TAFA2: variants seen among roughly 807,000 people sequenced by gnomAD.
The protein encoded by TAFA2 is chemokine-like protein TAFA-2.
A neutral mutation model predicts 18.8 loss-of-function variants in TAFA2; 7 were observed. The observed-to-expected ratio is 0.37, with a 90% confidence interval of 0.21 to 0.70. The LOEUF is 0.70. TAFA2 is among the 30% of genes least tolerant of loss of function. TAFA2 has a pLI of 0.53. For synonymous variants in TAFA2, 60 were observed against 54.2 expected (o/e 1.11, Z -0.47); for missense variants, 122 against 158.1 (o/e 0.77, Z 1.23).
At chr12:62,021,720 T>G (rs1881146699) in intron 1 of TAFA2, 6 of 1,506,818 alleles carry the variant, frequency 4.0e-6, no homozygotes, top group Non-Finnish European at 5.5e-6. Flanking sequence ...ACCAGTTGGG[T>G]CCCAAGGCAG....
At chr12:61,892,794 G>A (rs537308622) in intron 1 of TAFA2, among the ~76,000 whole-genome samples, 155 of 152,250 alleles carry the variant, frequency 1.0e-3, no homozygotes, top group Non-Finnish European at 1.6e-3. Context: ...AGAAAAGATC[G>A]TTCCACTGCA....
At chr12:62,034,054 G>A (rs576489706) in intron 1 of TAFA2, among the ~76,000 whole-genome samples, 1 of 152,166 alleles carries the variant, frequency 6.6e-6, no homozygotes, top group Non-Finnish European at 1.5e-5. Context: ...GAGAGAAAGA[G>A]GTTGGGGGAA....
chr12:62,166,248 T>C (rs924288231), intron 1 of TAFA2, among the ~76,000 whole-genome samples: 8 of 152,166 alleles, frequency 5.3e-5, no homozygotes, highest in Non-Finnish European at 1.2e-4. Flanking sequence ...TTGGCATAAA[T>C]GGAAAATTTG....
chr12:62,165,003 A>G lies in TAFA2; in HGVS notation c.-2+26256T>C, dbSNP rs142606527. On this transcript the variant is annotated intron_variant, in intron 1 of 4. Transcript: ENST00000416284. ...AAAGCTTGTTAGTGGCAGAGCTGAA[A>G]CTGAAATGGAAGTTCCTTAACTAGT... Among the ~76,000 whole-genome samples the G allele has an allele frequency of 4.6e-4, 70 of 152,200 alleles. 2 individuals are homozygous for G. In the East Asian group the frequency reaches 0.01, roughly 23 times the overall value.
intron 1 of TAFA2, among the ~76,000 whole-genome samples, chr12:62,156,879 C>T (rs1217713594): frequency 4.6e-5 from 7 of 152,030 alleles, no homozygotes; most frequent in Non-Finnish European, 7.4e-5. Context: ...ACCCCAATAA[C>T]TTAAGGGAAA....
chr12:61,935,585 GA>G (rs1371466667), intron 1 of TAFA2, among the ~76,000 whole-genome samples: 2 of 152,024 alleles, frequency 1.3e-5, no homozygotes, highest in South Asian at 4.1e-4. Flanking sequence ...ACAGTTTTAA[GA>G]AAAAATAATA....
chr12:61,792,878 A>G (rs990239029), intron 2 of TAFA2, among the ~76,000 whole-genome samples: 18 of 151,582 alleles, frequency 1.2e-4, no homozygotes, highest in African/African-American at 4.3e-4. Context: ...AAAAAATAGT[A>G]AGAATATAGA....
At chr12:61,746,047 T>C (rs1435022540) in intron 4 of TAFA2, among the ~76,000 whole-genome samples, 2 of 152,024 alleles carry the variant, frequency 1.3e-5, no homozygotes, top group East Asian at 1.9e-4. Context: ...CTTGGTAATA[T>C]GGTTTAGTTG....
intron 1 of TAFA2, among the ~76,000 whole-genome samples, chr12:62,128,691 G>A (rs1328409879): frequency 6.6e-6 from 1 of 151,950 alleles, no homozygotes; most frequent in Non-Finnish European, 1.5e-5. Context: ...TATGCCCCTT[G>A]TTCCCAGAAT....
intron 2 of TAFA2, among the ~76,000 whole-genome samples, chr12:61,785,354 TG>T (rs1870690066): frequency 6.7e-6 from 1 of 150,054 alleles, no homozygotes; most frequent in African/African-American, 2.5e-5. Context: ...TGTGTGTGTG[TG>T]TGTGTTTGTG....
chr12:62,110,133 T>A (rs1869656065), intron 1 of TAFA2, among the ~76,000 whole-genome samples: 1 of 152,210 alleles, frequency 6.6e-6, no homozygotes, highest in Non-Finnish European at 1.5e-5. Flanking sequence ...ATAGCTCTTA[T>A]TATTTTCAGA....
intron 1 of TAFA2, among the ~76,000 whole-genome samples, chr12:62,105,724 T>C (rs550121696): frequency 3.9e-4 from 60 of 152,306 alleles, no homozygotes; most frequent in African/African-American, 1.4e-3. Context: ...AATTTCCCAC[T>C]AAGTGCTCTG....
At chr12:61,761,307 T>C (rs1436472195) in intron 2 of TAFA2, among the ~76,000 whole-genome samples, 1 of 152,026 alleles carries the variant, frequency 6.6e-6, no homozygotes. Flanking sequence ...CAGGCATAGA[T>C]TTTTAAAAAT....
chr12:61,919,916 G>A (rs944902547), intron 1 of TAFA2, among the ~76,000 whole-genome samples: 1 of 151,982 alleles, frequency 6.6e-6, no homozygotes, highest in East Asian at 1.9e-4. Flanking sequence ...ATGCATTTTT[G>A]CCTCGTCAGT....
intron 2 of TAFA2, among the ~76,000 whole-genome samples, chr12:61,784,482 T>C (rs2120898712): frequency 6.6e-6 from 1 of 151,638 alleles, no homozygotes; most frequent in African/African-American, 2.4e-5. Flanking sequence ...GGGTTGGGTT[T>C]CTTCGTTCTC....
At chr12:61,735,773 T>C (rs186141184) in intron 4 of TAFA2, among the ~76,000 whole-genome samples, 1 of 151,976 alleles carries the variant, frequency 6.6e-6, no homozygotes, top group East Asian at 1.9e-4. Flanking sequence ...AATTCACTAT[T>C]GTATATTATT....
At chr12:62,113,533 TCC>T (rs143129240) in intron 1 of TAFA2, among the ~76,000 whole-genome samples, 1,892 of 152,264 alleles carry the variant, frequency 0.012, 38 homozygotes, top group African/African-American at 0.044. Flanking sequence ...TGCTAGGAGA[TCC>T]ACTGCTCTTC....
chr12:62,059,058 A>C (rs189076497), intron 1 of TAFA2, among the ~76,000 whole-genome samples: 1,974 of 151,958 alleles, frequency 0.013, 23 homozygotes, highest in Non-Finnish European at 0.022. Context: ...AGCCGAGATC[A>C]CGGCACTGCA....
At chr12:62,175,618 C>T (rs552381005) in intron 1 of TAFA2, among the ~76,000 whole-genome samples, 1 of 152,048 alleles carries the variant, frequency 6.6e-6, no homozygotes, top group Non-Finnish European at 1.5e-5. Flanking sequence ...ACTGCCCTAT[C>T]ATCTCTAACA....
Sources: allele counts gnomAD v4.1 joint callset (sites outside exome capture counted in the v4.1 genomes callset), GRCh38; gene constraint gnomAD v4.1.1; transcripts MANE v1.5; gene names NCBI Gene and HGNC (gene_info 2026-07-23, HGNC 2026-07-21).